The following DCAF11 variants were observed in gnomAD, a reference collection of about 807,000 sequenced individuals.
The protein encoded by DCAF11 is DDB1 and CUL4 associated factor 11.
In DCAF11, 44 loss-of-function variants were observed where a neutral mutation model predicts 76.1. That is an observed-to-expected ratio of 0.58 (90% confidence interval 0.45 to 0.74). The LOEUF (loss-of-function observed/expected upper bound fraction) is 0.74, where lower values mean the gene tolerates loss of function less well. DCAF11 is among the 30% of genes least tolerant of loss of function. The probability of loss-of-function intolerance (pLI) is 0.00; values close to 1 mark genes in which losing one functional copy is unlikely to be tolerated. For missense variants in DCAF11, 604 were observed against 709.4 expected (o/e 0.85, Z 1.69); for synonymous variants, 258 against 255.0 (o/e 1.01, Z -0.11).
chr14:24,120,001 C>A, intron 11 of DCAF11, 105 bp downstream of exon 11: 2 of 1,376,510 alleles, frequency 1.5e-6, no homozygotes, highest in Non-Finnish European at 1.9e-6. Flanking sequence ...CCTTATTAAC[C>A]AAGGTTTGTA....
In DCAF11 at chr14:24,117,578, CAA is replaced by C. The variant is rs1376172643; in HGVS notation, c.412-89_412-88del. On this transcript the variant is annotated intron_variant, in intron 4 of 14. Coordinates refer to ENST00000446197, the MANE Select transcript of DCAF11 (RefSeq NM_025230.5). This position sits in a 1 kb window ranked among gnomAD's most constrained non-coding sequence, Gnocchi z 4.3. The stretch of plus-strand genomic sequence containing the variant: ...ATGATGTGTGTGTCCATTTCTATAA[CAA>C]GAGCAATATCTTTGGAGGAGGGGGC... 1.9e-6 allele frequency: 3 copies of C among 1,540,008 alleles called. No individual in the cohort carries two copies. The highest frequency in any genetic ancestry group is 2.7e-6 in the Non-Finnish European group (3 of 1,121,744).
At position 24,115,559 on chromosome 14, in the gene DCAF11, C is replaced by T. The variant is rs768025696; in HGVS notation, c.-36C>T. 1.9e-6 allele frequency: 3 copies of T among 1,578,968 alleles called. No individual in the cohort carries two copies. Among genetic ancestry groups the T allele is most frequent in the East Asian group, 2.3e-5 (1 of 44,214 alleles). On this transcript the variant is annotated 5_prime_UTR_variant, in exon 2 of 15. Coordinates refer to ENST00000446197, the MANE Select transcript of DCAF11 (RefSeq NM_025230.5). ...AAACCCAAGGAGGTGACAGGAGGAG[C>T]CCCCGCACAGGACCTAAGAATGCTG...
chr14:24,115,806 A>G (rs1156420530), intron 2 of DCAF11, 57 bp downstream of exon 2: 1 of 1,563,444 alleles, frequency 6.4e-7, no homozygotes, highest in Non-Finnish European at 8.7e-7. Context: ...CTTGATCCCA[A>G]CTCCAGGCAG....
Position 24,115,025 on chromosome 14 carries a change from G to C in DCAF11, c.-482G>C, listed in dbSNP as rs1050041800. The C allele has an allele frequency of 7.1e-6, 7 of 985,892 alleles. No homozygotes were observed. The African/African-American group carries it at 1.0e-4, about 15-fold the overall frequency. The allele number at this position is 985,892 out of a possible 1,614,324, so 61.1% of individuals were successfully genotyped here. On this transcript the variant is annotated 5_prime_UTR_variant, in exon 1 of 15. Coordinates refer to ENST00000446197, the MANE Select transcript of DCAF11 (RefSeq NM_025230.5). ...TACACACCCCCGGCGCACCACGTGG[G>C]CGTGAGGCGAGGAAGGAGGGGTGTT...
At position 24,121,511 on chromosome 14, in the gene DCAF11, G is replaced by A; in HGVS notation, c.1393G>A (p.Val465Met). 3 of 1,614,166 alleles carry A rather than the reference G, an allele frequency of 1.9e-6. No individual in the cohort carries two copies. The highest frequency in any genetic ancestry group is 2.5e-6 in the Non-Finnish European group (3 of 1,180,016). Residue 465 changes from valine to methionine, a missense_variant, in exon 13 of 15, where the codon GTG becomes ATG. Transcript: ENST00000446197. ...FIYSGCSTGK[V>M]VVYDLLSGHI... is the part of the protein sequence containing the mutation. ...CTACAGTGGCTGCTCCACTGGCAAA[G>A]TGGTTGGTAAGGATTGTGTCAGAAC...
In DCAF11 at chr14:24,119,131, C is replaced by G; in HGVS notation, c.780-14C>G. On this transcript the variant is annotated splice_polypyrimidine_tract_variant and intron_variant, in intron 8 of 14. Coordinates refer to ENST00000446197, the MANE Select transcript of DCAF11 (RefSeq NM_025230.5). ...GAAGGAAGTCCACTTAACCCAGCTCCTTCTTGCTTTTAGGCCAGATGAGCG... is the reference window on the plus strand; with the variant it reads ...GAAGGAAGTCCACTTAACCCAGCTCGTTCTTGCTTTTAGGCCAGATGAGCG... 6.2e-7 allele frequency: 1 copy of G among 1,613,670 alleles called. No individual in the cohort carries two copies. Among genetic ancestry groups the G allele is most frequent in the Non-Finnish European group, 8.5e-7 (1 of 1,179,504 alleles).
chr14:24,115,561 CCCG>C lies in DCAF11; in HGVS notation c.-32_-30del. 6.3e-7 allele frequency: 1 copy of C among 1,582,474 alleles called. No individual in the cohort carries two copies. The highest frequency in any genetic ancestry group is 8.6e-7 in the Non-Finnish European group (1 of 1,164,602). The stretch of plus-strand genomic sequence containing the variant: ...ACCCAAGGAGGTGACAGGAGGAGCC[CCCG>C]CACAGGACCTAAGAATGCTGTGACC... On this transcript the variant is annotated 5_prime_UTR_variant, in exon 2 of 15. Coordinates refer to ENST00000446197, the MANE Select transcript of DCAF11 (RefSeq NM_025230.5).
chr14:24,120,880 A>G lies in DCAF11; in HGVS notation c.1135A>G (p.Ile379Val), dbSNP rs753865684. The G allele has an allele frequency of 2.5e-6, 4 of 1,614,082 alleles. No individual in the cohort carries two copies. In the African/African-American group the frequency reaches 5.3e-5, roughly 22 times the overall value. ...YLISNSKDQT[I>V]KLWDIRRFSS... ...GATCTCCAACTCTAAAGACCAGACC[A>G]TCAAACTCTGGGATATCCGACGCTT... The change falls in exon 12 of 15, where the codon ATC becomes GTC. Residue 379 changes from isoleucine to valine, a missense_variant. Physicochemically the swap from Ile to Val is conservative, Grantham distance 29. Coordinates refer to ENST00000446197, the MANE Select transcript of DCAF11 (RefSeq NM_025230.5).
In DCAF11 at chr14:24,119,218, G is replaced by A; in HGVS notation, c.848+5G>A. ...TGGACGAGAAGTACTAGGAGGGTAA[G>A]TGCTTGTGGGGTATGTTTCCCTCAA... On this transcript the variant is annotated splice_donor_5th_base_variant and intron_variant, in intron 9 of 14. Transcript: ENST00000446197. 1 of 1,614,178 alleles carries A rather than the reference G, an allele frequency of 6.2e-7. No homozygotes were observed. The highest frequency in any genetic ancestry group is 2.2e-5 in the East Asian group (1 of 44,890).
chr14:24,120,587 AAAG>A (rs914572241), intron 11 of DCAF11, among the ~76,000 whole-genome samples: 1 of 152,210 alleles, frequency 6.6e-6, no homozygotes, highest in African/African-American at 2.4e-5. Context: ...AAAATTAAAA[AAAG>A]AAAAATGGAA....
At chr14:24,121,543 C>A (rs759351846) in intron 13 of DCAF11, 26 bp downstream of exon 13, 4 of 1,611,248 alleles carry the variant, frequency 2.5e-6, no homozygotes, top group East Asian at 2.2e-5. Context: ...GAACAGGGGG[C>A]CTCAGGAAGG....
Position 24,119,198 on chromosome 14 carries a change from G to C in DCAF11, c.833G>C (p.Arg278Pro). Residue 278 changes from arginine (R) to proline (P), a missense_variant, in exon 9 of 15, where the codon CGA becomes CCA. Arg to Pro is a moderately radical substitution (Grantham distance 103). Transcript: ENST00000446197. ...VFSIAVSSDG[R>P]EVLGGANDGC... ...TCCATTGCTGTCTCCTCAGATGGAC[G>C]AGAAGTACTAGGAGGGTAAGTGCTT... 1.2e-6 allele frequency: 2 copies of C among 1,614,196 alleles called. No individual in the cohort carries two copies. Among genetic ancestry groups the C allele is most frequent in the Non-Finnish European group, 1.7e-6 (2 of 1,180,022 alleles).
At chr14:24,119,373 C>T (rs1432872878) in intron 9 of DCAF11, 160 bp downstream of exon 9, 4 of 1,197,114 alleles carry the variant, frequency 3.3e-6, no homozygotes, top group Non-Finnish European at 4.9e-6. Context: ...CTCTCCATTT[C>T]CCCAGCACGA....
chr14:24,124,042 T>A lies in DCAF11; in HGVS notation c.*733T>A, dbSNP rs2037738958. The A allele has an allele frequency of 6.6e-6, 1 of 152,142 alleles. No individual in the cohort carries two copies. Among genetic ancestry groups the A allele is most frequent in the South Asian group, 2.1e-4 (1 of 4,826 alleles). The allele number at this position is 152,142 out of a possible 1,614,324, so 9.4% of individuals were successfully genotyped here. A position where few individuals can be genotyped will look rare whatever the true frequency, so the allele number is the denominator to read the frequency against. On this transcript the variant is annotated 3_prime_UTR_variant, in exon 15 of 15. Transcript: ENST00000446197. ...GTGTGGGAACCTGGCTCAGTGTCTG[T>A]CTCTCTCTCTCACTCTCTGTTTTTC...
rs2037604028 is a variant in DCAF11, at chr14:24,117,462, A to G, written c.411+69A>G. On this transcript the variant is annotated intron_variant, in intron 4 of 14. Coordinates refer to ENST00000446197, the MANE Select transcript of DCAF11 (RefSeq NM_025230.5). This position sits in a 1 kb window ranked among gnomAD's most constrained non-coding sequence, Gnocchi z 4.3. Reference sequence around the variant, plus strand: ...CAGCCAGAAGCTCTGCCAGCCCCAGAGAAAAAGGAAGTCAACTTTCCAAAG... The same window carrying G: ...CAGCCAGAAGCTCTGCCAGCCCCAGGGAAAAAGGAAGTCAACTTTCCAAAG... The G allele has an allele frequency of 1.2e-5, 19 of 1,600,006 alleles. No individual in the cohort carries two copies. Among genetic ancestry groups the G allele is most frequent in the East Asian group, 2.2e-5 (1 of 44,680 alleles).
At position 24,123,332 on chromosome 14, in the gene DCAF11, G is replaced by A; in HGVS notation, c.*23G>A. ...TAGATCCAACCTCCAGCCCCATATA[G>A]GGTGAACCTCTTGATAAGCTCTCTG... On this transcript the variant is annotated 3_prime_UTR_variant, in exon 15 of 15. Transcript: ENST00000446197. 1.3e-6 allele frequency: 2 copies of A among 1,510,154 alleles called. No individual in the cohort carries two copies. The highest frequency in any genetic ancestry group is 2.7e-5 in the South Asian group (2 of 74,172). The allele number at this position is 1,510,154 out of a possible 1,614,324, so 93.5% of individuals were successfully genotyped here. A position where few individuals can be genotyped will look rare whatever the true frequency, so the allele number is the denominator to read the frequency against.
chr14:24,121,100 T>C (rs1399335773), intron 12 of DCAF11, 109 bp downstream of exon 12: 2 of 1,453,564 alleles, frequency 1.4e-6, no homozygotes, highest in African/African-American at 1.4e-5. Flanking sequence ...TGCTAAATCA[T>C]GGATGGAATG....
At position 24,124,425 on chromosome 14, in the gene DCAF11, C is replaced by T. The variant is rs1047030417; in HGVS notation, c.*1116C>T. On this transcript the variant is annotated 3_prime_UTR_variant, in exon 15 of 15. Coordinates refer to ENST00000446197, the MANE Select transcript of DCAF11 (RefSeq NM_025230.5). ...CCCAGTGGGCGCCTCACACTCAGAA[C>T]CTCATACCCCAGAGCAAACCGATGG... 6.6e-6 allele frequency: 1 copy of T among 152,300 alleles called. No individual in the cohort carries two copies. Among genetic ancestry groups the T allele is most frequent in the Non-Finnish European group, 1.5e-5 (1 of 68,082 alleles). 9.4% of individuals were successfully genotyped at this position (152,300 alleles called of 1,614,324 possible).
chr14:24,119,988 G>A, intron 11 of DCAF11, 92 bp downstream of exon 11: 1 of 1,419,300 alleles, frequency 7.0e-7, no homozygotes, highest in Non-Finnish European at 9.3e-7. Context: ...AATTTGACAA[G>A]CTCCTTATTA....
Sources: gnomAD v4.1 joint callset for allele counts (sites outside exome capture counted in the v4.1 genomes callset) on GRCh38, gnomAD v4.1.1 for gene constraint, Gnocchi (gnomAD v3.1) non-coding constraint, MANE v1.5 for transcripts, NCBI Gene and HGNC (gene_info 2026-07-23, HGNC 2026-07-21) for gene names.